The following CRYBG1 variants were observed in gnomAD, a reference collection of about 807,000 sequenced individuals.
The protein encoded by CRYBG1 is beta/gamma crystallin domain-containing protein 1.
A neutral mutation model predicts 189.2 loss-of-function variants in CRYBG1; 139 were observed. That is an observed-to-expected ratio of 0.73 (90% confidence interval 0.64 to 0.85). CRYBG1 has a LOEUF of 0.85. Ranked by LOEUF, CRYBG1 falls within the 40% of genes least tolerant of loss-of-function variation. The pLI, the probability that CRYBG1 is intolerant of heterozygous loss-of-function variation, is 0.00. For synonymous variants in CRYBG1, 1,023 were observed against 1,017.1 expected (o/e 1.01, Z -0.11); for missense variants, 2,611 against 2,675.8 (o/e 0.98, Z 0.53).
At chr6:106,398,481 A>G (rs1015625330) in intron 1 of CRYBG1, among the ~76,000 whole-genome samples, 1 of 152,138 alleles carries the variant, frequency 6.6e-6, no homozygotes, top group African/African-American at 2.4e-5. Flanking sequence ...AATAAAATCC[A>G]ATAAACCAAC....
At chr6:106,500,404 A>G (rs955734509) in intron 2 of CRYBG1, among the ~76,000 whole-genome samples, 5 of 149,550 alleles carry the variant, frequency 3.3e-5, no homozygotes, top group African/African-American at 5.0e-5. Context: ...TCCCTGATGA[A>G]CAGTGATGTT....
At chr6:106,490,492 A>G (rs1772696280) in intron 2 of CRYBG1, among the ~76,000 whole-genome samples, 1 of 152,236 alleles carries the variant, frequency 6.6e-6, no homozygotes, top group South Asian at 2.1e-4. Flanking sequence ...TTACACTCAG[A>G]AGATTTGTAG....
intron 13 of CRYBG1, among the ~76,000 whole-genome samples, chr6:106,548,790 C>T (rs1320417344): frequency 1.3e-4 from 19 of 151,348 alleles, no homozygotes; most frequent in East Asian, 3.9e-4. Flanking sequence ...ATGTGCACAA[C>T]GTGCAGGTTA....
chr6:106,511,741 C>T lies in CRYBG1; in HGVS notation c.624C>T (p.Asp208=), dbSNP rs1017235529. ...PESGGPAAPP[D]AELSPRWSSS... ...GCGGTGGCCCCGCAGCCCCCCCTGA[C>T]GCCGAGCTGTCACCTCGCTGGAGCA... The change falls in exon 3 of 22, where the codon GAC becomes GAT. Residue 208 remains aspartate (D), a synonymous_variant. Coordinates refer to ENST00000633556, the MANE Select transcript of CRYBG1 (RefSeq NM_001371242.2). The T allele has an allele frequency of 1.0e-5, 16 of 1,535,106 alleles. No homozygotes were observed. Among genetic ancestry groups the T allele is most frequent in the African/African-American group, 4.1e-5 (3 of 72,886 alleles).
intron 13 of CRYBG1, among the ~76,000 whole-genome samples, chr6:106,548,487 G>A (rs1582832170): frequency 6.6e-6 from 1 of 152,286 alleles, no homozygotes; most frequent in South Asian, 2.1e-4. Context: ...ATACTTGTTA[G>A]TAAAAAGAAC....
At chr6:106,482,030 G>A (rs1221507665) in intron 2 of CRYBG1, among the ~76,000 whole-genome samples, 1 of 150,724 alleles carries the variant, frequency 6.6e-6, no homozygotes, top group Non-Finnish European at 1.5e-5. Flanking sequence ...ACACTCCCAG[G>A]TTCCTGCTGT....
At chr6:106,363,034 A>G (rs910201687) in intron 1 of CRYBG1, among the ~76,000 whole-genome samples, 2 of 151,748 alleles carry the variant, frequency 1.3e-5, no homozygotes, top group Non-Finnish European at 2.9e-5. Context: ...TCACGAGGTC[A>G]GGAGATCGAG....
chr6:106,539,498 C>T lies in CRYBG1; in HGVS notation c.4814C>T (p.Ala1605Val). 8 of 1,613,318 alleles carry T rather than the reference C, an allele frequency of 5.0e-6. No individual in the cohort carries two copies. The highest frequency in any genetic ancestry group is 2.2e-5 in the East Asian group (1 of 44,816). ...PDLSFWDTEE[A>V]YIGSMRPLKM... ...TTGTCCTTCTGGGATACAGAAGAAG[C>T]GTACATTGGATCCATGCGGCCTCTG... Residue 1605 changes from alanine (A) to valine (V), a missense_variant, in exon 9 of 22, where the codon GCG becomes GTG. Physicochemically the swap from Ala to Val is moderately conservative, Grantham distance 64. Around this residue, in one of 3 missense-constraint regions of CRYBG1, gnomAD observed 1,622 missense variants for 1,735.0 expected, o/e 0.93. Transcript: ENST00000633556.
Position 106,560,916 on chromosome 6 carries a change from C to A in CRYBG1, c.5969C>A (p.Pro1990His). The part of the protein sequence containing the change: ...SGCRQIGSLR[P>H]FVQKRIYFRL... ...TGTCGCCAAATAGGTTCTCTACGAC[C>A]TTTTGTTCAGGTATTTTCTTCCTCT... is the stretch of plus-strand genomic sequence containing the variant. The change falls in exon 19 of 22, where the codon CCT becomes CAT. Residue 1990 changes from proline to histidine, a missense_variant. Coordinates refer to ENST00000633556, the MANE Select transcript of CRYBG1 (RefSeq NM_001371242.2). The A allele has an allele frequency of 6.2e-7, 1 of 1,604,424 alleles. No homozygotes were observed. The highest frequency in any genetic ancestry group is 8.5e-7 in the Non-Finnish European group (1 of 1,175,752).
intron 1 of CRYBG1, among the ~76,000 whole-genome samples, chr6:106,382,983 A>G (rs1770315192): frequency 6.6e-6 from 1 of 152,226 alleles, no homozygotes; most frequent in Admixed American, 6.5e-5. Flanking sequence ...AGTAGGGCTA[A>G]TGGGAAATCC....
At chr6:106,516,896 T>C (rs1173052050) in intron 3 of CRYBG1, among the ~76,000 whole-genome samples, 1 of 152,100 alleles carries the variant, frequency 6.6e-6, no homozygotes, top group African/African-American at 2.4e-5. Flanking sequence ...AAGTCGTATA[T>C]TAATTAAGTA....
chr6:106,564,029 G>C (rs1363993591), intron 21 of CRYBG1, 103 bp downstream of exon 21: 1 of 1,236,324 alleles, frequency 8.1e-7, no homozygotes, highest in East Asian at 2.4e-5. Context: ...ATTATTAGTA[G>C]TAACAGTAAG....
At position 106,360,743 on chromosome 6, in the gene CRYBG1, T is replaced by C. The variant is rs1771849230; in HGVS notation, c.-166T>C. ...GTGCTGCTCGCGCTGCGCTGGGTGC[T>C]GGTTCTGCAACCCGCGGCCGTCCCC... On this transcript the variant is annotated 5_prime_UTR_variant, in exon 1 of 22. Coordinates refer to ENST00000633556, the MANE Select transcript of CRYBG1 (RefSeq NM_001371242.2). 2 of 737,738 alleles carry C rather than the reference T, an allele frequency of 2.7e-6. No individual in the cohort carries two copies. The highest frequency in any genetic ancestry group is 1.9e-5 in the African/African-American group (1 of 52,886). 45.7% of individuals were successfully genotyped at this position (737,738 alleles called of 1,614,324 possible). A position where few individuals can be genotyped will look rare whatever the true frequency, so the allele number is the denominator to read the frequency against.
At chr6:106,374,842 A>G (rs75122500) in intron 1 of CRYBG1, among the ~76,000 whole-genome samples, 8,479 of 152,264 alleles carry the variant, frequency 0.056, 393 homozygotes, top group East Asian at 0.16. Context: ...ACTGATATAT[A>G]TACTCAGTTC....
At position 106,544,653 on chromosome 6, in the gene CRYBG1, GGA is replaced by G; in HGVS notation, c.5124_5125del (p.Gly1709LeufsTer14). 6.2e-7 allele frequency: 1 copy of G among 1,614,060 alleles called. No homozygotes were observed. The highest frequency in any genetic ancestry group is 1.1e-5 in the South Asian group (1 of 91,072). ...AGAATACAGGGACTGGAAAGCCTGG[GGA>G]GGTTACAATGGAGAGCTTCAGTCTT... ...EGEYRDWKAW[G>X]GYNGELQSLR... On this transcript the variant is annotated frameshift_variant, in exon 12 of 22. Coordinates refer to ENST00000633556, the MANE Select transcript of CRYBG1 (RefSeq NM_001371242.2). LOFTEE classifies it high-confidence loss of function.
At chr6:106,429,311 A>G (rs1013144624) in intron 1 of CRYBG1, among the ~76,000 whole-genome samples, 1 of 152,184 alleles carries the variant, frequency 6.6e-6, no homozygotes, top group African/African-American at 2.4e-5. Context: ...TTCCTTTTAT[A>G]AAACAAATAC....
chr6:106,564,561 A>C (rs954190568), intron 21 of CRYBG1, among the ~76,000 whole-genome samples: 3 of 152,212 alleles, frequency 2.0e-5, no homozygotes, highest in Non-Finnish European at 2.9e-5. Context: ...GCGGGTTAAA[A>C]TAGACTGTGG....
At chr6:106,527,170 G>T (rs946001556) in intron 6 of CRYBG1, 135 bp from the exon 7 acceptor site, 4 of 630,378 alleles carry the variant, frequency 6.3e-6, no homozygotes, top group African/African-American at 5.7e-5. Flanking sequence ...GAGAGTTTAA[G>T]CTATTTTAAT....
At chr6:106,531,479 C>T (rs1034001750) in intron 8 of CRYBG1, among the ~76,000 whole-genome samples, 13 of 152,030 alleles carry the variant, frequency 8.6e-5, no homozygotes, top group African/African-American at 3.1e-4. Context: ...TGACTTGACC[C>T]AGGGAAGAAC....
Sources: gnomAD v4.1 joint callset for allele counts (sites outside exome capture counted in the v4.1 genomes callset) on GRCh38, gnomAD v4.1.1 for gene constraint, gnomAD v4.1.1 regional missense constraint, MANE v1.5 for transcripts, NCBI Gene and HGNC (gene_info 2026-07-23, HGNC 2026-07-21) for gene names.